SEMA5A: variants seen among roughly 807,000 people sequenced by gnomAD.
SEMA5A encodes semaphorin 5A, also known as semaphorin-5A.
A neutral mutation model predicts 135.5 loss-of-function variants in SEMA5A; 55 were observed. That is an observed-to-expected ratio of 0.41 (90% CI 0.33 to 0.51). The LOEUF is 0.51. SEMA5A is among the 20% of genes least tolerant of loss of function. The pLI is 0.37. For missense variants in SEMA5A, 1,290 were observed against 1,419.9 expected, an observed-to-expected ratio of 0.91 and a Z score of 1.47; for synonymous variants, 580 against 546.5, an observed-to-expected ratio of 1.06 and a Z score of -0.85.
At chr5:9,474,463 T>C (rs568063805) in intron 1 of SEMA5A, among the ~76,000 whole-genome samples, 100 of 147,216 alleles carry the variant, frequency 6.8e-4, no homozygotes, top group African/African-American at 2.4e-3. Flanking sequence ...CAAGAGTAAA[T>C]AGGCACATGT....
At chr5:9,493,585 A>T (rs1472991288) in intron 1 of SEMA5A, among the ~76,000 whole-genome samples, 1 of 152,184 alleles carries the variant, frequency 6.6e-6, no homozygotes, top group Non-Finnish European at 1.5e-5. Flanking sequence ...AGAAAAATCT[A>T]ATTAGGGCCT....
In SEMA5A at chr5:9,422,568, G is replaced by A. The variant is rs1474056206; in HGVS notation, c.-78+15188C>T. 8 of 152,268 alleles carry A rather than the reference G, an allele frequency of 5.3e-5. No homozygotes were observed. In the East Asian group the frequency reaches 1.5e-3, roughly 29 times the overall value. 9.4% of individuals were successfully genotyped at this position (152,268 alleles called of 1,614,324 possible). ...ACAGATAAAAACAAAAAGGCTAACG[G>A]AATGCAGTCGACCGAGAACTAGTTT... On this transcript the variant is annotated intron_variant, in intron 2 of 22. Transcript: ENST00000382496.
chr5:9,322,800 A>G (rs781177334), intron 4 of SEMA5A, among the ~76,000 whole-genome samples: 1 of 152,142 alleles, frequency 6.6e-6, no homozygotes, highest in African/African-American at 2.4e-5. Flanking sequence ...TAGTTATTCA[A>G]TGTCACCTTC....
intron 1 of SEMA5A, among the ~76,000 whole-genome samples, chr5:9,537,630 C>G (rs1355977730): frequency 6.6e-6 from 1 of 152,154 alleles, no homozygotes; most frequent in Admixed American, 6.5e-5. Flanking sequence ...TCTTAATTTG[C>G]TTGTAAGCTA....
chr5:9,059,036 T>C (rs1441914238), intron 18 of SEMA5A, among the ~76,000 whole-genome samples: 1 of 152,234 alleles, frequency 6.6e-6, no homozygotes, highest in Non-Finnish European at 1.5e-5. Context: ...ACTCAGAGTC[T>C]GTCCCTCCAT....
At chr5:9,322,278 TCTC>T (rs549847423) in intron 4 of SEMA5A, among the ~76,000 whole-genome samples, 1 of 152,076 alleles carries the variant, frequency 6.6e-6, no homozygotes, top group South Asian at 2.1e-4. Flanking sequence ...ATCTACCTCT[TCTC>T]CTTCCAAATA....
At chr5:9,488,975 C>T (rs1734865736) in intron 1 of SEMA5A, among the ~76,000 whole-genome samples, 1 of 152,132 alleles carries the variant, frequency 6.6e-6, no homozygotes, top group Non-Finnish European at 1.5e-5. Context: ...TGATTGGTTT[C>T]ATTTCTGGCT....
At chr5:9,322,655 G>A (rs889576140) in intron 4 of SEMA5A, among the ~76,000 whole-genome samples, 2 of 152,054 alleles carry the variant, frequency 1.3e-5, no homozygotes, top group Non-Finnish European at 2.9e-5. Context: ...TTATAGATGA[G>A]AAAACTTCTA....
At chr5:9,090,733 C>T (rs550316736) in intron 16 of SEMA5A, among the ~76,000 whole-genome samples, 15 of 152,268 alleles carry the variant, frequency 9.9e-5, no homozygotes, top group African/African-American at 2.4e-4. Context: ...CACCTGCAAC[C>T]GGGGAGTTTG....
chr5:9,275,170 A>T (rs1198490588), intron 5 of SEMA5A, among the ~76,000 whole-genome samples: 2 of 152,134 alleles, frequency 1.3e-5, no homozygotes, highest in African/African-American at 4.8e-5. Context: ...ATCCCACAGA[A>T]ATGCAAACTA....
intron 4 of SEMA5A, among the ~76,000 whole-genome samples, chr5:9,329,436 C>T (rs927525504): frequency 1.1e-4 from 16 of 152,218 alleles, no homozygotes; most frequent in African/African-American, 3.6e-4. Context: ...CCCCAGCTTG[C>T]CAACCCTTGC....
intron 9 of SEMA5A, among the ~76,000 whole-genome samples, chr5:9,199,898 CAGA>C (rs1745611524): frequency 6.6e-6 from 1 of 152,136 alleles, no homozygotes; most frequent in African/African-American, 2.4e-5. Flanking sequence ...GTGCTAGGAA[CAGA>C]AGGAGTCGGA....
chr5:9,209,771 T>G (rs1477717082), intron 8 of SEMA5A, among the ~76,000 whole-genome samples: 3 of 152,194 alleles, frequency 2.0e-5, no homozygotes, highest in African/African-American at 7.2e-5. Flanking sequence ...CAGAGGCCCT[T>G]GACTGGGATA....
chr5:9,375,020 G>T (rs1001878553), intron 3 of SEMA5A, among the ~76,000 whole-genome samples: 1 of 152,044 alleles, frequency 6.6e-6, no homozygotes, highest in African/African-American at 2.4e-5. Flanking sequence ...TTTGAGGATG[G>T]TTAAGTCATG....
chr5:9,126,666 G>A (rs1741130535), intron 13 of SEMA5A, among the ~76,000 whole-genome samples: 1 of 152,224 alleles, frequency 6.6e-6, no homozygotes, highest in South Asian at 2.1e-4. Flanking sequence ...GTTTTTGAGG[G>A]TACTTTGGCA....
At chr5:9,242,931 T>G (rs957807976) in intron 5 of SEMA5A, among the ~76,000 whole-genome samples, 5 of 152,180 alleles carry the variant, frequency 3.3e-5, no homozygotes, top group African/African-American at 1.2e-4. Flanking sequence ...TATGAAAATG[T>G]GTTATAATAA....
chr5:9,478,332 G>T (rs1440559423), intron 1 of SEMA5A, among the ~76,000 whole-genome samples: 7 of 152,228 alleles, frequency 4.6e-5, no homozygotes, highest in African/African-American at 1.7e-4. Context: ...TCCCCGCTGG[G>T]CATTGCCTAG....
At chr5:9,320,799 A>T (rs1473459575) in intron 4 of SEMA5A, among the ~76,000 whole-genome samples, 1 of 152,206 alleles carries the variant, frequency 6.6e-6, no homozygotes, top group African/African-American at 2.4e-5. Flanking sequence ...CAGCCAAGGT[A>T]GGTGGCACTG....
At chr5:9,066,354 G>T in intron 17 of SEMA5A, 67 bp downstream of exon 17, 1 of 1,484,570 alleles carries the variant, frequency 6.7e-7, no homozygotes, top group Non-Finnish European at 9.4e-7. Context: ...TGCTGTTTAT[G>T]ACCTTAGAGA....
Sources: gnomAD v4.1 joint callset for allele counts (sites outside exome capture counted in the v4.1 genomes callset) on GRCh38, gnomAD v4.1.1 for gene constraint, MANE v1.5 for transcripts, NCBI Gene and HGNC (gene_info 2026-07-23, HGNC 2026-07-21) for gene names.